Variants in RIMBP2 observed in about 807,000 individuals in gnomAD.
RIMBP2 encodes the protein RIMS binding protein 2.
Under a neutral mutation model 118.6 loss-of-function variants are expected in RIMBP2, and 48 were observed. That is an observed-to-expected ratio of 0.40 (90% confidence interval 0.32 to 0.51). The LOEUF is 0.51. RIMBP2 is among the 20% of genes least tolerant of loss of function. The probability of loss-of-function intolerance (pLI) is 0.41; values close to 1 mark genes in which losing one functional copy is unlikely to be tolerated. For missense variants in RIMBP2, 1,551 were observed against 1,768.3 expected, an observed-to-expected ratio of 0.88 and a Z score of 2.20; for synonymous variants, 762 against 742.9, an observed-to-expected ratio of 1.03 and a Z score of -0.42.
intron 4 of RIMBP2, 134 bp downstream of exon 4, chr12:130,506,514 C>T (rs912980889): frequency 3.4e-6 from 2 of 581,678 alleles, no homozygotes; most frequent in Non-Finnish European, 4.3e-6. Flanking sequence ...AAAACAGCCC[C>T]AACATCTCTG....
At chr12:130,413,560 GA>G (rs552702086) in intron 18 of RIMBP2, among the ~76,000 whole-genome samples, 38 of 147,130 alleles carry the variant, frequency 2.6e-4, no homozygotes, top group Non-Finnish European at 3.9e-4. Flanking sequence ...TTGAACCTGG[GA>G]AACAGAGGTT....
rs11378742 is a variant in RIMBP2 at position 130,450,635 on chromosome 12, A to AC, written c.505-360dup. 0.33 allele frequency among the ~76,000 whole-genome samples: 49,217 copies of AC among 148,110 alleles called. 8,313 individuals are homozygous for AC. Among genetic ancestry groups the AC allele is most frequent in the Middle Eastern group, 0.43 (122 of 286 alleles). Reference sequence around the variant, plus strand: ...GGTAAAATTAAGCAGTATGTGCACGACCCCCCAGTGATCCCACTCTCACTC... The same window carrying AC: ...GGTAAAATTAAGCAGTATGTGCACGACCCCCCCAGTGATCCCACTCTCACTC... On this transcript the variant is annotated intron_variant, in intron 8 of 22. Transcript: ENST00000690449. The surrounding 1 kb of genome is among the most constrained non-coding windows in gnomAD (Gnocchi z 4.8).
intron 6 of RIMBP2, among the ~76,000 whole-genome samples, chr12:130,462,313 C>T (rs571769198): frequency 2.6e-5 from 4 of 152,274 alleles, no homozygotes; most frequent in South Asian, 2.1e-4. Context: ...ACAAGCTGGG[C>T]GATGCATTGC....
intron 2 of RIMBP2, among the ~76,000 whole-genome samples, chr12:130,563,966 T>A (rs377233342): frequency 0.35 from 53,149 of 151,476 alleles, 10,271 homozygotes; most frequent in East Asian, 0.53. Flanking sequence ...TGCTACATTT[T>A]CCCCTCGCTC....
chr12:130,606,161 G>T (rs1042181181), intron 2 of RIMBP2, among the ~76,000 whole-genome samples: 9 of 152,080 alleles, frequency 5.9e-5, no homozygotes, highest in African/African-American at 2.2e-4. Context: ...ACAACTGGAA[G>T]TAAATATGGT....
intron 4 of RIMBP2, among the ~76,000 whole-genome samples, chr12:130,505,186 C>T (rs2050182553): frequency 6.6e-6 from 1 of 152,162 alleles, no homozygotes; most frequent in African/African-American, 2.4e-5. Flanking sequence ...CAGTGAGAAG[C>T]AGGATGGTGA....
chr12:130,549,186 T>C (rs927773635), intron 2 of RIMBP2, among the ~76,000 whole-genome samples: 1 of 152,184 alleles, frequency 6.6e-6, no homozygotes, highest in Non-Finnish European at 1.5e-5. Context: ...TATTTCATCA[T>C]TTTCTCCAGC....
chr12:130,699,617 T>C (rs1383521130), intron 1 of RIMBP2, among the ~76,000 whole-genome samples: 1 of 150,332 alleles, frequency 6.7e-6, no homozygotes, highest in Non-Finnish European at 1.5e-5. Context: ...TTAGGAGATA[T>C]ACCTAATGCT....
At chr12:130,704,444 G>A (rs772913450) in intron 1 of RIMBP2, among the ~76,000 whole-genome samples, 19 of 151,904 alleles carry the variant, frequency 1.3e-4, no homozygotes, top group African/African-American at 2.2e-4. Context: ...GCATGGTGGC[G>A]GGCACCTGTA....
At chr12:130,572,028 C>T (rs920623149) in intron 2 of RIMBP2, among the ~76,000 whole-genome samples, 3 of 152,232 alleles carry the variant, frequency 2.0e-5, no homozygotes, top group African/African-American at 7.2e-5. Context: ...TGCATCCATG[C>T]CAGCCTTAGC....
At chr12:130,512,939 A>G (rs2051072319) in intron 3 of RIMBP2, among the ~76,000 whole-genome samples, 1 of 152,132 alleles carries the variant, frequency 6.6e-6, no homozygotes, top group Non-Finnish European at 1.5e-5. Flanking sequence ...CACGAATCCC[A>G]AATGTCTATG....
chr12:130,533,530 AC>A (rs1156995438), intron 2 of RIMBP2, among the ~76,000 whole-genome samples: 1 of 152,208 alleles, frequency 6.6e-6, no homozygotes, highest in Non-Finnish European at 1.5e-5. Context: ...AACAATTAAT[AC>A]CATTCCATCC....
Position 130,620,950 on chromosome 12 carries a change from G to A in RIMBP2, c.-217+7372C>T, listed in dbSNP as rs533286817. On this transcript the variant is annotated intron_variant, in intron 2 of 22. Transcript: ENST00000690449. This position sits in a 1 kb window ranked among gnomAD's most constrained non-coding sequence, Gnocchi z 5.3. ...TGCAGACCTGGACTCCGGGCCTGGG[G>A]CACCTGTGAGCCATCCTTGGCATGG... is the stretch of plus-strand genomic sequence containing the variant. Among the ~76,000 whole-genome samples, 4 of 152,300 alleles carry A rather than the reference G, an allele frequency of 2.6e-5. No individual in the cohort carries two copies. The South Asian group carries it at 8.3e-4, about 32-fold the overall frequency.
intron 4 of RIMBP2, among the ~76,000 whole-genome samples, chr12:130,504,688 G>T (rs974145233): frequency 6.6e-6 from 1 of 151,024 alleles, no homozygotes; most frequent in African/African-American, 2.4e-5. Flanking sequence ...GTCGCTTTAA[G>T]CCACCGAGAC....
chr12:130,478,011 C>T (rs1474757950), intron 5 of RIMBP2, among the ~76,000 whole-genome samples: 1 of 152,150 alleles, frequency 6.6e-6, no homozygotes, highest in Non-Finnish European at 1.5e-5. Flanking sequence ...TGATTTCTTC[C>T]TGGGGGCACC....
Position 130,437,035 on chromosome 12 carries a change from A to G in RIMBP2, c.1913T>C (p.Met638Thr). 2 of 1,581,272 alleles carry G rather than the reference A, an allele frequency of 1.3e-6. No individual in the cohort carries two copies. Among genetic ancestry groups the G allele is most frequent in the South Asian group, 1.2e-5 (1 of 86,556 alleles). Residue 638 changes from methionine (M) to threonine (T), a missense_variant, in exon 13 of 23, where the codon ATG becomes ACG. By Grantham distance (81) the Met-to-Thr change is moderately conservative. This residue lies in a region of RIMBP2 where 1,038 missense variants were observed against 1,125.1 expected (regional missense o/e 0.92). Transcript: ENST00000690449. ...KDEHLGPHAR[M>T]DEAWEQSRAP... is the part of the protein sequence containing the mutation. ...ACGGCTCTGCTCCCAGGCCTCATCC[A>G]TCCTGGCGTGGGGACCCAGGTGCTC...
intron 2 of RIMBP2, among the ~76,000 whole-genome samples, chr12:130,625,860 C>T (rs1167234519): frequency 6.6e-6 from 1 of 152,070 alleles, no homozygotes; most frequent in Non-Finnish European, 1.5e-5. Context: ...CTTCTGTATC[C>T]CATAGGCCAA....
At chr12:130,529,305 T>G (rs1011897597) in intron 2 of RIMBP2, among the ~76,000 whole-genome samples, 2 of 152,150 alleles carry the variant, frequency 1.3e-5, no homozygotes, top group African/African-American at 4.8e-5. Flanking sequence ...AATGACATCC[T>G]GATTCACGCT....
At chr12:130,616,712 G>A (rs928647358) in intron 2 of RIMBP2, among the ~76,000 whole-genome samples, 6 of 152,214 alleles carry the variant, frequency 3.9e-5, no homozygotes, top group Non-Finnish European at 4.4e-5. Context: ...GCAGGAAGAC[G>A]TGAATGTCCC....
Sources: gnomAD v4.1 joint callset for allele counts (sites outside exome capture counted in the v4.1 genomes callset) on GRCh38, gnomAD v4.1.1 for gene constraint, gnomAD v4.1.1 regional missense constraint, Gnocchi (gnomAD v3.1) non-coding constraint, MANE v1.5 for transcripts, NCBI Gene and HGNC (gene_info 2026-07-23, HGNC 2026-07-21) for gene names.